Variants in EPHA4 observed in about 807,000 individuals in gnomAD.
EPHA4 encodes EPH receptor A4, also known as ephrin type-A receptor 4.
EPHA4 carries 19 observed loss-of-function variants against 108.3 expected under a neutral mutation model. The ratio of observed to expected loss-of-function variants is 0.18; its 90% CI spans 0.12 to 0.26. The LOEUF is 0.26. Ranked by LOEUF, EPHA4 falls within the 10% of genes least tolerant of loss-of-function variation. The pLI is 1.00. For missense variants in EPHA4, 917 were observed against 1,254.0 expected (o/e 0.73, Z 4.06); for synonymous variants, 449 against 455.5 (o/e 0.99, Z 0.18).
rs1170588228 is a variant in EPHA4 at position 221,458,010 on chromosome 2, G to T, written c.1319-20C>A. The T allele has an allele frequency of 6.3e-7, 1 of 1,597,210 alleles. No individual in the cohort carries two copies. The highest frequency in any genetic ancestry group is 1.3e-5 in the African/African-American group (1 of 74,078). Reference sequence around the variant, plus strand: ...ATGGTGCTGTTAGAAAAAAACAAAAGACAAAAGATATTTTCTTTAGGAAAA... The same window carrying T: ...ATGGTGCTGTTAGAAAAAAACAAAATACAAAAGATATTTTCTTTAGGAAAA... On this transcript the variant is annotated intron_variant, in intron 5 of 17. Transcript: ENST00000281821.
rs753391037 is a variant in EPHA4 at position 221,434,286 on chromosome 2, G to A, written c.2352C>T (p.Gly784=). The change falls in exon 14 of 18, where the codon GGC becomes GGT. Residue 784 remains glycine, a synonymous_variant. Transcript: ENST00000281821. ...GCGCAGTCCACCGGATAGGAATCTT[G>A]CCACCCTGTGAACATTTGAGCCATA... ...DPEAAYTTRG[G]KIPIRWTAPE... is the part of the protein sequence containing the mutation. The A allele has an allele frequency of 6.2e-7, 1 of 1,613,708 alleles. No homozygotes were observed.
chr2:221,426,529 C>T lies in EPHA4; in HGVS notation c.2781G>A (p.Arg927=). 6.2e-7 allele frequency: 1 copy of T among 1,614,158 alleles called. No individual in the cohort carries two copies. Among genetic ancestry groups the T allele is most frequent in the Non-Finnish European group, 8.5e-7 (1 of 1,180,030 alleles). The change falls in exon 16 of 18, where the codon CGG becomes CGA. Residue 927 remains arginine, a synonymous_variant. Transcript: ENST00000281821. ...GDWLQAIKMD[R]YKDNFTAAGY... is the part of the protein sequence containing the mutation. Reference sequence around the variant, plus strand: ...CAGCAGCTGTGAAGTTATCCTTATACCGGTCCATTTTAATGGCCTGGAGCC... The same window carrying T: ...CAGCAGCTGTGAAGTTATCCTTATATCGGTCCATTTTAATGGCCTGGAGCC...
intron 3 of EPHA4, among the ~76,000 whole-genome samples, chr2:221,503,952 C>G (rs1485397682): frequency 6.6e-6 from 1 of 152,218 alleles, no homozygotes; most frequent in Non-Finnish European, 1.5e-5. Context: ...GCATTTGGTA[C>G]ATAAATGTGT....
At chr2:221,437,953 C>A (rs539161131) in intron 11 of EPHA4, among the ~76,000 whole-genome samples, 125 of 151,974 alleles carry the variant, frequency 8.2e-4, no homozygotes, top group Non-Finnish European at 1.4e-3. Flanking sequence ...AACAAGCATG[C>A]GACTTCTCTC....
intron 5 of EPHA4, among the ~76,000 whole-genome samples, chr2:221,478,740 C>T (rs1691732007): frequency 1.4e-5 from 2 of 144,870 alleles, no homozygotes; most frequent in Admixed American, 1.4e-4. Flanking sequence ...GCCTATCTGC[C>T]TATCTGCCTA....
intron 4 of EPHA4, among the ~76,000 whole-genome samples, chr2:221,499,310 G>A (rs1443213795): frequency 6.6e-6 from 1 of 150,420 alleles, no homozygotes; most frequent in African/African-American, 2.4e-5. Flanking sequence ...TCCAAGGTAG[G>A]GTGTGATCTT....
intron 3 of EPHA4, among the ~76,000 whole-genome samples, chr2:221,526,852 C>CAAAAAAAAAAAA (rs528335766): frequency 6.2e-5 from 3 of 48,616 alleles, no homozygotes; most frequent in African/African-American, 2.5e-4. Context: ...GACTCGGCCT[C>CAAAAAAAAAAAA]AAAAAAAAAA....
chr2:221,550,104 C>A (rs1305594662), intron 3 of EPHA4, among the ~76,000 whole-genome samples: 4 of 152,092 alleles, frequency 2.6e-5, no homozygotes, highest in African/African-American at 9.7e-5. Context: ...TAAAAAGATA[C>A]CAAATCAAAG....
chr2:221,547,366 A>G (rs1694026607), intron 3 of EPHA4, among the ~76,000 whole-genome samples: 2 of 152,238 alleles, frequency 1.3e-5, no homozygotes, highest in African/African-American at 4.8e-5. Flanking sequence ...TCATTTGGTT[A>G]AGCTGTCCTC....
chr2:221,485,906 T>C (rs1691961012), intron 4 of EPHA4, among the ~76,000 whole-genome samples: 1 of 152,164 alleles, frequency 6.6e-6, no homozygotes, highest in Non-Finnish European at 1.5e-5. Flanking sequence ...CAGAGATGGC[T>C]AAAAAGAAGA....
At chr2:221,426,190 A>T in intron 16 of EPHA4, 48 bp from the exon 17 acceptor site, 1 of 1,502,546 alleles carries the variant, frequency 6.7e-7, no homozygotes, top group Non-Finnish European at 9.3e-7. Flanking sequence ...ACAGGGACTG[A>T]CAATCTCTTT....
At chr2:221,540,308 A>G (rs1302084380) in intron 3 of EPHA4, among the ~76,000 whole-genome samples, 1 of 152,242 alleles carries the variant, frequency 6.6e-6, no homozygotes, top group African/African-American at 2.4e-5. Flanking sequence ...TTCCACGTGC[A>G]AAACAAAACA....
intron 5 of EPHA4, among the ~76,000 whole-genome samples, chr2:221,474,612 AC>A (rs2106133941): frequency 6.6e-6 from 1 of 152,248 alleles, no homozygotes; most frequent in Non-Finnish European, 1.5e-5. Flanking sequence ...CCAACCAGCT[AC>A]CGATTCCCTA....
intron 4 of EPHA4, among the ~76,000 whole-genome samples, chr2:221,486,171 G>T (rs1691966930): frequency 6.6e-6 from 1 of 152,106 alleles, no homozygotes; most frequent in Non-Finnish European, 1.5e-5. Context: ...TAATTTTCTA[G>T]TCTCCACATC....
At chr2:221,547,904 G>T (rs1474978591) in intron 3 of EPHA4, among the ~76,000 whole-genome samples, 1 of 152,174 alleles carries the variant, frequency 6.6e-6, no homozygotes, top group African/African-American at 2.4e-5. Context: ...ATTAAAACTG[G>T]TAGAGCACTT....
intron 3 of EPHA4, among the ~76,000 whole-genome samples, chr2:221,561,038 G>T (rs1237980397): frequency 1.3e-5 from 2 of 152,140 alleles, no homozygotes; most frequent in Middle Eastern, 3.4e-3. Context: ...GTCAGGAGAT[G>T]GAGACCATCC....
At position 221,425,982 on chromosome 2, in the gene EPHA4, A is replaced by G. The variant is rs1414388179; in HGVS notation, c.*46T>C. On this transcript the variant is annotated 3_prime_UTR_variant, in exon 17 of 18. Coordinates refer to ENST00000281821, the MANE Select transcript of EPHA4 (RefSeq NM_004438.5). ...GCAGTTCTTCAATTAAAGTGCATGGATGAGGTAAACTAATTTCAAGAGTTT... is the reference window on the plus strand; with the variant it reads ...GCAGTTCTTCAATTAAAGTGCATGGGTGAGGTAAACTAATTTCAAGAGTTT... The G allele has an allele frequency of 6.7e-7, 1 of 1,500,792 alleles. No individual in the cohort carries two copies. Among genetic ancestry groups the G allele is most frequent in the African/African-American group, 1.4e-5 (1 of 72,758 alleles). The allele number at this position is 1,500,792 out of a possible 1,614,324, so 93.0% of individuals were successfully genotyped here.
chr2:221,543,463 C>T (rs1161416207), intron 3 of EPHA4, among the ~76,000 whole-genome samples: 1 of 152,088 alleles, frequency 6.6e-6, no homozygotes, highest in Non-Finnish European at 1.5e-5. Context: ...ATGATTTTGC[C>T]TATCTTTATA....
chr2:221,553,958 G>T (rs1030192618), intron 3 of EPHA4, among the ~76,000 whole-genome samples: 4 of 152,124 alleles, frequency 2.6e-5, no homozygotes, highest in African/African-American at 9.7e-5. Context: ...ATCTGTAAAC[G>T]GAAGGGAAAT....
Sources: gnomAD v4.1 joint callset for allele counts (sites outside exome capture counted in the v4.1 genomes callset) on GRCh38, gnomAD v4.1.1 for gene constraint, MANE v1.5 for transcripts, NCBI Gene and HGNC (gene_info 2026-07-23, HGNC 2026-07-21) for gene names.